Variants in CD96 observed in about 807,000 individuals in gnomAD.
The protein encoded by CD96 is T-cell surface protein tactile.
In CD96, 70 loss-of-function variants were observed where a neutral mutation model predicts 71.3. The observed-to-expected ratio is 0.98, with a 90% CI of 0.81 to 1.20. CD96 has a LOEUF of 1.20. CD96 is among the 50% of genes most tolerant of loss of function. The pLI, the probability that CD96 is intolerant of heterozygous loss-of-function variation, is 0.00. For synonymous variants in CD96, 248 were observed against 233.0 expected (o/e 1.06, Z -0.59); for missense variants, 742 against 677.5 (o/e 1.10, Z -1.06).
At chr3:111,621,169 C>T (rs1405643433) in intron 8 of CD96, among the ~76,000 whole-genome samples, 1 of 152,142 alleles carries the variant, frequency 6.6e-6, no homozygotes, top group Non-Finnish European at 1.5e-5. Context: ...ACTGAGATTT[C>T]TAGGTAGTGG....
In CD96 at chr3:111,542,346, C is replaced by T. The variant is rs760170180; in HGVS notation, c.61+37C>T. 2.3e-5 allele frequency: 34 copies of T among 1,507,944 alleles called. 1 individual carries two copies. Among genetic ancestry groups the T allele is most frequent in the Admixed American group, 2.0e-4 (12 of 59,840 alleles). The allele number at this position is 1,507,944 out of a possible 1,614,324, so 93.4% of individuals were successfully genotyped here. A position where few individuals can be genotyped will look rare whatever the true frequency, so the allele number is the denominator to read the frequency against. On this transcript the variant is annotated intron_variant, in intron 1 of 13. Coordinates refer to ENST00000352690, the MANE Select transcript of CD96 (RefSeq NM_005816.5). The stretch of plus-strand genomic sequence containing the variant: ...AGTTGTCCCTTCTTGTCGGATGGGC[C>T]GCTTTAGGGGCGGATGGGGCCTCTG...
chr3:111,554,161 T>A (rs1201405830), intron 2 of CD96, among the ~76,000 whole-genome samples: 1 of 152,048 alleles, frequency 6.6e-6, no homozygotes, highest in Non-Finnish European at 1.5e-5. Context: ...TAAATTTACA[T>A]TTTTATATAT....
chr3:111,548,709 A>G (rs1934541753), intron 2 of CD96, among the ~76,000 whole-genome samples: 1 of 152,170 alleles, frequency 6.6e-6, no homozygotes, highest in South Asian at 2.1e-4. Flanking sequence ...CAGTAGTAGC[A>G]GTGAATGCGG....
chr3:111,652,828 G>T (rs2107801821), downstream of CD96, among the ~76,000 whole-genome samples: 1 of 152,004 alleles, frequency 6.6e-6, no homozygotes, highest in Middle Eastern at 3.4e-3. Context: ...TAAATTGTGT[G>T]CGAGTAAATT....
At position 111,617,323 on chromosome 3, in the gene CD96, A is replaced by G. The variant is rs75940203; in HGVS notation, c.1181-6431A>G. ...CCTGGGAGCCAGGCTGCCAGTTCCA[A>G]GTGAAGTCCATGGATATGAGTAATA... On this transcript the variant is annotated intron_variant, in intron 8 of 13. Coordinates refer to ENST00000352690, the MANE Select transcript of CD96 (RefSeq NM_005816.5). 7.5e-3 allele frequency among the ~76,000 whole-genome samples: 1,147 copies of G among 152,318 alleles called. 17 individuals are homozygous for G. Among genetic ancestry groups the G allele is most frequent in the African/African-American group, 0.026 (1,088 of 41,574 alleles).
chr3:111,566,059 G>A (rs1935694917), intron 2 of CD96, among the ~76,000 whole-genome samples: 1 of 149,106 alleles, frequency 6.7e-6, no homozygotes, highest in Non-Finnish European at 1.5e-5. Flanking sequence ...CCCTAAATTG[G>A]TGCTTTAATC....
rs904050757 is a variant in CD96, at chr3:111,650,657, T to C, written c.*851T>C. ...TCTCTTTTTCATCTGGGGATTTACCTGTTCATTTAATCTGCCTGTTTTGAT... is the reference window on the plus strand; with the variant it reads ...TCTCTTTTTCATCTGGGGATTTACCCGTTCATTTAATCTGCCTGTTTTGAT... On this transcript the variant is annotated 3_prime_UTR_variant, in exon 14 of 14. Coordinates refer to ENST00000352690, the MANE Select transcript of CD96 (RefSeq NM_005816.5). The C allele has an allele frequency of 6.6e-6, 1 of 152,298 alleles. No individual in the cohort carries two copies. The highest frequency in any genetic ancestry group is 1.5e-5 in the Non-Finnish European group (1 of 68,094). 9.4% of individuals were successfully genotyped at this position (152,298 alleles called of 1,614,324 possible). A position where few individuals can be genotyped will look rare whatever the true frequency, so the allele number is the denominator to read the frequency against.
intron 13 of CD96, 111 bp from the exon 14 acceptor site, chr3:111,649,587 T>C: frequency 1.3e-6 from 1 of 797,872 alleles, no homozygotes; most frequent in Non-Finnish European, 2.3e-6. Context: ...AGAGTATGTC[T>C]CTTTCTCATC....
chr3:111,647,088 T>TAAAAAAAA (rs11337310), intron 12 of CD96, among the ~76,000 whole-genome samples: 1 of 98,922 alleles, frequency 1.0e-5, no homozygotes, highest in East Asian at 2.8e-4. Flanking sequence ...GGGTAAAGAT[T>TAAAAAAAA]AAAAAAAAAA....
chr3:111,589,051 C>T (rs938043876), intron 5 of CD96, among the ~76,000 whole-genome samples: 8 of 151,242 alleles, frequency 5.3e-5, no homozygotes, highest in Admixed American at 2.0e-4. Flanking sequence ...CCTGGGTTCA[C>T]GCTATTCTCC....
chr3:111,652,854 A>T (rs906566111), downstream of CD96, among the ~76,000 whole-genome samples: 1 of 151,958 alleles, frequency 6.6e-6, no homozygotes, highest in African/African-American at 2.4e-5. Context: ...AGTCTGACTC[A>T]ACCAGCAACT....
At position 111,637,260 on chromosome 3, in the gene CD96, TG is replaced by T; in HGVS notation, c.1387+1del. ...SPSGAGSTLHDNVFTSTARAF... is the reference protein window; with the variant it reads ...SPSGAGSTLHXNVFTSTARAF... The stretch of plus-strand genomic sequence containing the variant: ...CGTCAGGTGCAGGCTCAACACTTCA[TG>T]GTGAGTACTTGGGGAAGATTTAGGG... On this transcript the variant is annotated frameshift_variant and splice_region_variant, in exon 11 of 14. Coordinates refer to ENST00000352690, the MANE Select transcript of CD96 (RefSeq NM_005816.5). LOFTEE classifies it high-confidence loss of function. 1 of 1,533,476 alleles carries T rather than the reference TG, an allele frequency of 6.5e-7. No individual in the cohort carries two copies. The highest frequency in any genetic ancestry group is 9.0e-7 in the Non-Finnish European group (1 of 1,106,344). 95.0% of individuals were successfully genotyped at this position (1,533,476 alleles called of 1,614,324 possible).
intron 2 of CD96, among the ~76,000 whole-genome samples, chr3:111,562,715 T>A (rs988789420): frequency 6.6e-6 from 1 of 152,226 alleles, no homozygotes. Context: ...GCATTCAAAG[T>A]TGCAGCCAGT....
intron 5 of CD96, among the ~76,000 whole-genome samples, chr3:111,591,459 T>C (rs748498553): frequency 2.0e-5 from 3 of 151,578 alleles, no homozygotes; most frequent in Non-Finnish European, 2.9e-5. Context: ...TTGTGCAGAA[T>C]TTGATTATTT....
chr3:111,595,986 AC>A (rs1348815890), intron 5 of CD96, among the ~76,000 whole-genome samples: 2 of 151,820 alleles, frequency 1.3e-5, no homozygotes, highest in Admixed American at 6.6e-5. Context: ...ACATTGTGAA[AC>A]CCTGTCTCTA....
intron 10 of CD96, among the ~76,000 whole-genome samples, chr3:111,624,778 A>G (rs1938669075): frequency 6.6e-6 from 1 of 152,266 alleles, no homozygotes; most frequent in African/African-American, 2.4e-5. Flanking sequence ...AGCTGTGAAT[A>G]TATTTGGGGA....
intron 2 of CD96, among the ~76,000 whole-genome samples, chr3:111,555,746 T>C (rs968557312): frequency 6.6e-6 from 1 of 152,294 alleles, no homozygotes; most frequent in Admixed American, 6.5e-5. Flanking sequence ...GTGTTTGTCC[T>C]ATTCAGGTTT....
At chr3:111,633,441 T>C (rs916299834) in intron 10 of CD96, among the ~76,000 whole-genome samples, 1 of 152,134 alleles carries the variant, frequency 6.6e-6, no homozygotes, top group Non-Finnish European at 1.5e-5. Context: ...GAGCACATGC[T>C]GTTGGAAAAA....
At chr3:111,614,658 G>A (rs1373206650) in intron 8 of CD96, among the ~76,000 whole-genome samples, 2 of 152,066 alleles carry the variant, frequency 1.3e-5, no homozygotes, top group African/African-American at 4.8e-5. Flanking sequence ...CTGGAAAAAT[G>A]TGCACCTTTG....
Sources: allele counts gnomAD v4.1 joint callset (sites outside exome capture counted in the v4.1 genomes callset), GRCh38; gene constraint gnomAD v4.1.1; transcripts MANE v1.5; gene names NCBI Gene and HGNC (gene_info 2026-07-23, HGNC 2026-07-21).